Variants in KANSL3 observed in about 807,000 individuals in gnomAD.
KANSL3 encodes KAT8 regulatory NSL complex subunit 3, also known as NSL complex protein NSL3.
A neutral mutation model predicts 89.2 loss-of-function variants in KANSL3; 16 were observed. The ratio of observed to expected loss-of-function variants is 0.18; its 90% CI spans 0.12 to 0.27. The LOEUF is 0.27. Ranked by LOEUF, KANSL3 falls within the 10% of genes least tolerant of loss-of-function variation. The pLI, the probability that KANSL3 is intolerant of heterozygous loss-of-function variation, is 1.00. For synonymous variants in KANSL3, 385 were observed against 419.7 expected, an observed-to-expected ratio of 0.92 and a Z score of 1.01; for missense variants, 879 against 1,110.6, an observed-to-expected ratio of 0.79 and a Z score of 2.96.
At chr2:96,607,760 C>G (rs561585969) in intron 14 of KANSL3, among the ~76,000 whole-genome samples, 16 of 152,334 alleles carry the variant, frequency 1.1e-4, no homozygotes, top group Admixed American at 3.9e-4. Flanking sequence ...CCTATCCCCT[C>G]CACGTCTGTC....
the KANSL3 span, among the ~76,000 whole-genome samples, chr2:96,584,927 T>TC: frequency 6.6e-6 from 1 of 152,214 alleles, no homozygotes; most frequent in Non-Finnish European, 1.5e-5. Context: ...CCATGTTCTG[T>TC]CCTCCACTAT....
downstream of KANSL3, among the ~76,000 whole-genome samples, chr2:96,591,234 A>T (rs2066268908): frequency 6.6e-6 from 1 of 152,226 alleles, no homozygotes; most frequent in Non-Finnish European, 1.5e-5. Flanking sequence ...AATGAAAACA[A>T]GACAATCTCA....
intron 3 of KANSL3, among the ~76,000 whole-genome samples, chr2:96,626,438 A>G (rs1265411120): frequency 2.6e-5 from 4 of 152,214 alleles, no homozygotes; most frequent in African/African-American, 9.7e-5. Context: ...TAAGATTTAT[A>G]CAGATACATA....
At position 96,610,895 on chromosome 2, in the gene KANSL3, A is replaced by G. The variant is rs1429502259; in HGVS notation, c.1162-12T>C. ...GGATCATCTACATCCTAAAACAGGT[A>G]TAGGTTTTAGAATCGGCTTCTTCAT... On this transcript the variant is annotated splice_polypyrimidine_tract_variant and intron_variant, in intron 10 of 20. Coordinates refer to ENST00000431828, the MANE Select transcript of KANSL3 (RefSeq NM_001115016.3). 1.9e-6 allele frequency: 3 copies of G among 1,612,038 alleles called. No individual in the cohort carries two copies. The highest frequency in any genetic ancestry group is 2.5e-6 in the Non-Finnish European group (3 of 1,178,206).
At position 96,636,957 on chromosome 2, in the gene KANSL3, A is replaced by G; in HGVS notation, c.179T>C (p.Leu60Pro). 6.5e-7 allele frequency: 1 copy of G among 1,548,072 alleles called. No homozygotes were observed. Among genetic ancestry groups the G allele is most frequent in the Non-Finnish European group, 8.7e-7 (1 of 1,145,030 alleles). Residue 60 changes from leucine (L) to proline (P), a missense_variant, in exon 2 of 21, where the codon CTC (leucine) becomes CCC (proline). Physicochemically the swap from Leu to Pro is moderately conservative, Grantham distance 98. This residue lies in a region of KANSL3 where 210 missense variants were observed against 311.9 expected (regional missense o/e 0.67). Coordinates refer to ENST00000431828, the MANE Select transcript of KANSL3 (RefSeq NM_001115016.3). ...DASSARPTRM[L>P]FVTPRRQHES... ...GTGCTGCCGCCGGGGAGTGACAAAG[A>G]GCATGCGGGTGGGGCGGGCACTACT... is the stretch of plus-strand genomic sequence containing the variant.
intron 3 of KANSL3, among the ~76,000 whole-genome samples, chr2:96,620,675 AAT>A (rs1290801942): frequency 2.0e-5 from 3 of 152,070 alleles, no homozygotes; most frequent in African/African-American, 7.2e-5. Flanking sequence ...ATGCTCTATT[AAT>A]ATGTGTTTTC....
In KANSL3 at chr2:96,602,654, G is replaced by A. The variant is rs1387977316; in HGVS notation, c.2259+99C>T. On this transcript the variant is annotated intron_variant, in intron 18 of 20. Transcript: ENST00000431828. ...TGTAGCTAGAAGGCTGTTTGTCCTT[G>A]ATCCACTGACTCCAGACCTAGTTTC... 1.3e-5 allele frequency: 12 copies of A among 920,676 alleles called. No homozygotes were observed. The East Asian group carries it at 2.7e-4, about 21-fold the overall frequency. 57.0% of individuals were successfully genotyped at this position (920,676 alleles called of 1,614,324 possible). A position where few individuals can be genotyped will look rare whatever the true frequency, so the allele number is the denominator to read the frequency against.
intron 20 of KANSL3, among the ~76,000 whole-genome samples, chr2:96,595,941 G>C (rs2066489129): frequency 6.6e-6 from 1 of 152,208 alleles, no homozygotes; most frequent in Non-Finnish European, 1.5e-5. Flanking sequence ...AGGATTAAAT[G>C]AAATAATCCA....
the KANSL3 span, among the ~76,000 whole-genome samples, chr2:96,588,022 T>C: frequency 6.6e-6 from 1 of 152,080 alleles, no homozygotes; most frequent in African/African-American, 2.4e-5. Flanking sequence ...TGTAGGGCTA[T>C]ACCTAAGATC....
chr2:96,611,994 A>G (rs2069088867), intron 9 of KANSL3, among the ~76,000 whole-genome samples: 1 of 151,054 alleles, frequency 6.6e-6, no homozygotes. Flanking sequence ...GGGGAGAAAG[A>G]AAATGAGCAG....
rs554855008 is a variant in KANSL3 at position 96,595,631 on chromosome 2, G to A, written c.2617C>T (p.Arg873Cys). The change falls in exon 21 of 21, where the codon CGC becomes TGC. Residue 873 changes from arginine to cysteine, a missense_variant and splice_region_variant. Transcript: ENST00000431828. ...SSQVLPSSSQ[R>C]LPPAP is the part of the protein sequence containing the mutation. ...CATCTTCAGGGTGCTGGAGGCAGGC[G>A]CTGTGGCAGGAGAGGTAGTGAAGAA... 13 of 1,613,720 alleles carry A rather than the reference G, an allele frequency of 8.1e-6. No homozygotes were observed. The highest frequency in any genetic ancestry group is 2.2e-5 in the East Asian group (1 of 44,872).
At chr2:96,608,302 A>T (rs2068316018) in intron 14 of KANSL3, among the ~76,000 whole-genome samples, 1 of 152,220 alleles carries the variant, frequency 6.6e-6, no homozygotes, top group African/African-American at 2.4e-5. Context: ...CAAAGCTATA[A>T]CTAGTGATCA....
chr2:96,598,010 T>C (rs1277156613), intron 20 of KANSL3: 1 of 709,356 alleles, frequency 1.4e-6, no homozygotes, highest in Admixed American at 6.3e-5. Context: ...AAAGGGGGAT[T>C]CTCAATGACC....
intron 3 of KANSL3, 112 bp downstream of exon 3, chr2:96,631,200 C>T: frequency 2.6e-6 from 2 of 766,378 alleles, no homozygotes; most frequent in South Asian, 1.7e-5. Flanking sequence ...CTTTGGAGAA[C>T]ACTCTGACTT....
chr2:96,637,704 A>G (rs1021983440), intron 1 of KANSL3, among the ~76,000 whole-genome samples: 3 of 152,224 alleles, frequency 2.0e-5, no homozygotes, highest in Non-Finnish European at 2.9e-5. Context: ...CACTTCTTCA[A>G]GCCTCTCGTA....
At chr2:96,625,681 G>T (rs1190064195) in intron 3 of KANSL3, among the ~76,000 whole-genome samples, 1 of 152,148 alleles carries the variant, frequency 6.6e-6, no homozygotes, top group East Asian at 1.9e-4. Flanking sequence ...AAACCACAAC[G>T]TTGAGAGTCC....
rs955126325 is a variant in KANSL3 at position 96,594,092 on chromosome 2, T to C, written c.*1519A>G. On this transcript the variant is annotated 3_prime_UTR_variant, in exon 21 of 21. Transcript: ENST00000431828. Reference sequence around the variant, plus strand: ...CCTGACCTACCTTGCCTGAGACTCCTAGACACTATGAGCTCCCTTCTGGCT... The same window carrying C: ...CCTGACCTACCTTGCCTGAGACTCCCAGACACTATGAGCTCCCTTCTGGCT... 1.4e-5 allele frequency: 2 copies of C among 146,278 alleles called. No homozygotes were observed. The highest frequency in any genetic ancestry group is 5.6e-5 in the African/African-American group (2 of 35,870). The allele number at this position is 146,278 out of a possible 1,614,324, so 9.1% of individuals were successfully genotyped here.
chr2:96,630,132 T>C (rs1573621177), intron 3 of KANSL3, among the ~76,000 whole-genome samples: 1 of 152,264 alleles, frequency 6.6e-6, no homozygotes, highest in East Asian at 1.9e-4. Flanking sequence ...AAAGGTTAAA[T>C]ACAGAGTTAT....
intron 20 of KANSL3, chr2:96,600,543 G>A (rs2067026743): frequency 1.0e-6 from 1 of 985,274 alleles, no homozygotes; most frequent in South Asian, 4.7e-5. Context: ...GAATGGCTCA[G>A]GAACTATCAC....
Sources: allele counts gnomAD v4.1 joint callset (sites outside exome capture counted in the v4.1 genomes callset), GRCh38; gene constraint gnomAD v4.1.1; regional missense constraint gnomAD v4.1.1; transcripts MANE v1.5; gene names NCBI Gene and HGNC (gene_info 2026-07-23, HGNC 2026-07-21).